Variants in PCDH15 observed in about 807,000 individuals in gnomAD.
The protein encoded by PCDH15 is protocadherin related 15, also known as protocadherin-15.
Under a neutral mutation model 178.5 loss-of-function variants are expected in PCDH15, and 129 were observed. That is an observed-to-expected ratio of 0.72 (90% CI 0.63 to 0.84). PCDH15 has a LOEUF of 0.84. Ranked by LOEUF, PCDH15 falls within the 40% of genes least tolerant of loss-of-function variation. The pLI is 0.00. For missense variants in PCDH15, 2,230 were observed against 2,099.9 expected (o/e 1.06, Z -1.21); for synonymous variants, 800 against 732.0 (o/e 1.09, Z -1.50).
At chr10:55,100,908 G>T (rs185566606) in intron 2 of PCDH15, among the ~76,000 whole-genome samples, 7 of 152,234 alleles carry the variant, frequency 4.6e-5, no homozygotes, top group Non-Finnish European at 8.8e-5. Context: ...GTAGGACAAA[G>T]AAAGAGTAAT....
At chr10:53,852,794 T>C (rs1167781388) in intron 28 of PCDH15, among the ~76,000 whole-genome samples, 1 of 152,150 alleles carries the variant, frequency 6.6e-6, no homozygotes, top group Non-Finnish European at 1.5e-5. Flanking sequence ...GTTTTCCACT[T>C]CATCGGATAG....
At chr10:54,079,566 T>A in intron 16 of PCDH15, 142 bp from the exon 17 acceptor site, 1 of 794,002 alleles carries the variant, frequency 1.3e-6, no homozygotes, top group Non-Finnish European at 2.2e-6. Flanking sequence ...TGTATAATAC[T>A]AAGATTCATT....
intron 2 of PCDH15, among the ~76,000 whole-genome samples, chr10:54,601,118 TTGA>T (rs934277041): frequency 6.6e-6 from 1 of 152,148 alleles, no homozygotes; most frequent in Admixed American, 6.6e-5. Flanking sequence ...CAATCTTATG[TTGA>T]TCGATGTGAA....
At chr10:55,455,198 A>T (rs1839523715) in intron 2 of PCDH15, among the ~76,000 whole-genome samples, 1 of 152,164 alleles carries the variant, frequency 6.6e-6, no homozygotes, top group African/African-American at 2.4e-5. Context: ...ACTCATCTGT[A>T]AAATGAGGAT....
intron 1 of PCDH15, among the ~76,000 whole-genome samples, chr10:54,798,539 T>G (rs1952297281): frequency 6.6e-6 from 1 of 152,120 alleles, no homozygotes; most frequent in South Asian, 2.1e-4. Context: ...AAAATGATTC[T>G]AGTTCACAAG....
chr10:55,204,968 C>A (rs1022174863), intron 1 of PCDH15, among the ~76,000 whole-genome samples: 5 of 152,072 alleles, frequency 3.3e-5, no homozygotes, highest in African/African-American at 7.2e-5. Flanking sequence ...ATAATGCCAA[C>A]AGATTTTTCT....
At chr10:55,329,662 A>G (rs578193675) in intron 2 of PCDH15, among the ~76,000 whole-genome samples, 2 of 151,838 alleles carry the variant, frequency 1.3e-5, no homozygotes, top group African/African-American at 2.4e-5. Flanking sequence ...TTATTTCCCA[A>G]TGACATGAAA....
intron 1 of PCDH15, among the ~76,000 whole-genome samples, chr10:55,299,965 TTTTG>T: frequency 6.6e-6 from 1 of 152,302 alleles, no homozygotes; most frequent in Non-Finnish European, 1.5e-5. Context: ...CTTATAACAT[TTTTG>T]TTTATTTTCT....
intron 10 of PCDH15, among the ~76,000 whole-genome samples, chr10:54,203,372 G>A (rs1418190126): frequency 2.6e-5 from 4 of 152,162 alleles, no homozygotes; most frequent in Non-Finnish European, 4.4e-5. Context: ...GTATGTTGGT[G>A]TATGTGTGCA....
intron 1 of PCDH15, among the ~76,000 whole-genome samples, chr10:55,218,198 A>G (rs1379773598): frequency 1.3e-5 from 2 of 151,984 alleles, no homozygotes; most frequent in African/African-American, 4.8e-5. Flanking sequence ...ATTGTTCCCA[A>G]TCACATGGAT....
intron 2 of PCDH15, among the ~76,000 whole-genome samples, chr10:55,020,663 A>C (rs889623094): frequency 4.6e-5 from 7 of 152,196 alleles, no homozygotes; most frequent in African/African-American, 1.4e-4. Context: ...TGGGTCACAC[A>C]AATCTGCATT....
At chr10:54,803,373 A>G (rs985776632), upstream of PCDH15, among the ~76,000 whole-genome samples, 3 of 152,184 alleles carry the variant, frequency 2.0e-5, no homozygotes, top group Non-Finnish European at 4.4e-5. Flanking sequence ...TCCTGGTTTA[A>G]GACGCTTAAC....
intron 1 of PCDH15, among the ~76,000 whole-genome samples, chr10:54,750,572 C>T (rs1384589418): frequency 6.6e-6 from 1 of 151,944 alleles, no homozygotes; most frequent in Non-Finnish European, 1.5e-5. Context: ...ACTTTATTTT[C>T]TTTGAAGACA....
chr10:54,981,937 T>A (rs1203033001), intron 2 of PCDH15, among the ~76,000 whole-genome samples: 3 of 139,542 alleles, frequency 2.1e-5, no homozygotes, highest in South Asian at 2.2e-4. Flanking sequence ...TTTGTTTTCC[T>A]TTTTTTTTTT....
intron 1 of PCDH15, among the ~76,000 whole-genome samples, chr10:54,681,548 G>A (rs543596668): frequency 1.3e-5 from 2 of 152,298 alleles, no homozygotes; most frequent in African/African-American, 4.8e-5. Context: ...AATAGGTTGA[G>A]GAAGATAAGG....
intron 2 of PCDH15, among the ~76,000 whole-genome samples, chr10:55,586,103 C>G (rs1842723068): frequency 1.3e-5 from 2 of 151,500 alleles, no homozygotes; most frequent in Non-Finnish European, 2.9e-5. Context: ...AAGTCTTGGG[C>G]AAAAAGGGTC....
chr10:54,360,936 A>G (rs898994545), intron 5 of PCDH15, among the ~76,000 whole-genome samples: 2 of 152,120 alleles, frequency 1.3e-5, no homozygotes, highest in African/African-American at 2.4e-5. Flanking sequence ...TTGCTGTTAT[A>G]TGGGATTTAG....
At chr10:54,246,320 C>A (rs2055918650) in intron 8 of PCDH15, among the ~76,000 whole-genome samples, 1 of 151,880 alleles carries the variant, frequency 6.6e-6, no homozygotes, top group South Asian at 2.1e-4. Flanking sequence ...ATTATCTACT[C>A]ATAACTACCC....
chr10:54,790,048 T>C (rs1269096966), intron 1 of PCDH15, among the ~76,000 whole-genome samples: 1 of 151,782 alleles, frequency 6.6e-6, no homozygotes, highest in Non-Finnish European at 1.5e-5. Context: ...TAAATAAAAG[T>C]ATAGGTAAAT....
Sources: allele counts gnomAD v4.1 joint callset (sites outside exome capture counted in the v4.1 genomes callset), GRCh38; gene constraint gnomAD v4.1.1; transcripts MANE v1.5; gene names NCBI Gene and HGNC (gene_info 2026-07-23, HGNC 2026-07-21).